The following ELMO1 variants were observed in gnomAD, a reference collection of about 807,000 sequenced individuals.
ELMO1 encodes the protein engulfment and cell motility protein 1.
Under a neutral mutation model 98.9 loss-of-function variants are expected in ELMO1, and 26 were observed. The observed-to-expected ratio is 0.26, with a 90% CI of 0.19 to 0.36. The LOEUF (loss-of-function observed/expected upper bound fraction) is 0.36, where lower values mean the gene tolerates loss of function less well. Ranked by LOEUF, ELMO1 falls within the 10% of genes least tolerant of loss-of-function variation. The pLI, the probability that ELMO1 is intolerant of heterozygous loss-of-function variation, is 1.00. For synonymous variants in ELMO1, 346 were observed against 346.0 expected (o/e 1.00, Z 0.00); for missense variants, 627 against 935.2 (o/e 0.67, Z 4.30).
In ELMO1 at chr7:36,853,905, C is replaced by A. The variant is rs538004627; in HGVS notation, c.*1646G>T. On this transcript the variant is annotated 3_prime_UTR_variant, in exon 22 of 22. Coordinates refer to ENST00000310758, the MANE Select transcript of ELMO1 (RefSeq NM_014800.11). ...TGGGCTCTGACCTATAATTTATTAA[C>A]CCACGGTTAGATTTATTTAGTTCTG... Among the ~76,000 whole-genome samples, 1 of 152,172 alleles carries A rather than the reference C, an allele frequency of 6.6e-6. No individual in the cohort carries two copies. The highest frequency in any genetic ancestry group is 1.5e-5 in the Non-Finnish European group (1 of 68,020).
intron 16 of ELMO1, among the ~76,000 whole-genome samples, chr7:36,935,983 C>T (rs1323432045): frequency 1.3e-5 from 2 of 152,070 alleles, no homozygotes; most frequent in East Asian, 1.9e-4. Flanking sequence ...TAAGATTGCC[C>T]CCTCCTCCTT....
rs1283307184 is a variant in ELMO1, at chr7:37,101,879, A to G, written c.1192-5152T>C. On this transcript the variant is annotated intron_variant, in intron 14 of 21. Coordinates refer to ENST00000310758, the MANE Select transcript of ELMO1 (RefSeq NM_014800.11). Reference sequence around the variant, plus strand: ...CGCAGAAAACAAGTCAATGCATGACATGGTGTTTCTGGCAATAAAGTCCTC... The same window carrying G: ...CGCAGAAAACAAGTCAATGCATGACGTGGTGTTTCTGGCAATAAAGTCCTC... Among the ~76,000 whole-genome samples the G allele has an allele frequency of 2.6e-5, 4 of 152,174 alleles. No homozygotes were observed. In the East Asian group the frequency reaches 5.8e-4, roughly 22 times the overall value.
intron 13 of ELMO1, among the ~76,000 whole-genome samples, chr7:37,194,738 G>C (rs1273428566): frequency 6.6e-6 from 1 of 152,050 alleles, no homozygotes; most frequent in African/African-American, 2.4e-5. Flanking sequence ...TATTCTTTAA[G>C]GTTCATCTTC....
chr7:37,321,734 A>AAAAAAAAAC (rs1323727577), intron 2 of ELMO1, among the ~76,000 whole-genome samples: 2 of 148,568 alleles, frequency 1.3e-5, no homozygotes, highest in Non-Finnish European at 3.0e-5. Context: ...AAAAAAAAAA[A>AAAAAAAAAC]AAAACACAGA....
intron 15 of ELMO1, among the ~76,000 whole-genome samples, chr7:37,071,549 C>T (rs927936012): frequency 2.0e-4 from 30 of 152,150 alleles, no homozygotes; most frequent in African/African-American, 6.5e-4. Flanking sequence ...GAATTCAACT[C>T]CAGAGAGAGC....
chr7:37,205,874 T>C (rs1182218854), intron 13 of ELMO1, among the ~76,000 whole-genome samples: 3 of 152,210 alleles, frequency 2.0e-5, no homozygotes, highest in African/African-American at 7.2e-5. Context: ...GGACTGACTG[T>C]ATATTGCAAA....
At position 37,071,729 on chromosome 7, in the gene ELMO1, T is replaced by C. The variant is rs75243412; in HGVS notation, c.1300+24890A>G. On this transcript the variant is annotated intron_variant, in intron 15 of 21. Transcript: ENST00000310758. ...ACTCATGCTACCATATTTTATTTAC[T>C]AACAATAGCTAAAAATATCATCCCC... 9.0e-3 allele frequency among the ~76,000 whole-genome samples: 1,365 copies of C among 152,328 alleles called. 6 individuals are homozygous for C. Among genetic ancestry groups the C allele is most frequent in the Middle Eastern group, 0.014 (4 of 294 alleles).
chr7:37,180,840 GCAAA>G (rs1790818696), intron 13 of ELMO1, among the ~76,000 whole-genome samples: 2 of 150,916 alleles, frequency 1.3e-5, no homozygotes, highest in African/African-American at 4.9e-5. Flanking sequence ...ACATGCACAC[GCAAA>G]CAGAGAAAGA....
chr7:37,359,621 T>C lies in ELMO1; in HGVS notation c.-73-16858A>G, dbSNP rs115952274. On this transcript the variant is annotated intron_variant, in intron 1 of 21. Transcript: ENST00000310758. Reference sequence around the variant, plus strand: ...TAGATGGAGTCACTGAGGAAACTGGTCACTTATTTGGCTAGTCAGCAATCT... The same window carrying C: ...TAGATGGAGTCACTGAGGAAACTGGCCACTTATTTGGCTAGTCAGCAATCT... 3.2e-3 allele frequency among the ~76,000 whole-genome samples: 486 copies of C among 152,266 alleles called. 4 individuals are homozygous for C. Among genetic ancestry groups the C allele is most frequent in the African/African-American group, 0.011 (464 of 41,550 alleles).
intron 14 of ELMO1, among the ~76,000 whole-genome samples, chr7:37,104,651 C>T (rs192541660): frequency 2.0e-5 from 3 of 152,308 alleles, no homozygotes; most frequent in African/African-American, 7.2e-5. Flanking sequence ...AGGCCTCAGG[C>T]CTTTGGACAG....
At chr7:37,094,835 G>A (rs143407107) in intron 15 of ELMO1, among the ~76,000 whole-genome samples, 7 of 152,174 alleles carry the variant, frequency 4.6e-5, no homozygotes, top group African/African-American at 1.4e-4. Flanking sequence ...AGCACAGTGC[G>A]GTTTGTGAGT....
intron 13 of ELMO1, among the ~76,000 whole-genome samples, chr7:37,210,033 G>A (rs1297136149): frequency 1.3e-5 from 2 of 152,118 alleles, no homozygotes; most frequent in Non-Finnish European, 2.9e-5. Context: ...ACTGGACAGA[G>A]TGTTAGTTTT....
intron 16 of ELMO1, among the ~76,000 whole-genome samples, chr7:36,960,156 T>C (rs755788909): frequency 6.6e-5 from 10 of 152,190 alleles, no homozygotes; most frequent in Non-Finnish European, 1.3e-4. Flanking sequence ...CTAAATCTCA[T>C]TGAGTTATTG....
chr7:37,273,664 G>T (rs115555123), intron 4 of ELMO1, among the ~76,000 whole-genome samples: 1 of 152,106 alleles, frequency 6.6e-6, no homozygotes, highest in Non-Finnish European at 1.5e-5. Flanking sequence ...TTTCCAGGAG[G>T]AGGCCTTCCA....
chr7:37,105,165 A>G (rs1248112145), intron 14 of ELMO1, among the ~76,000 whole-genome samples: 1 of 152,248 alleles, frequency 6.6e-6, no homozygotes, highest in African/African-American at 2.4e-5. Flanking sequence ...CAGAGCAATC[A>G]AAGCCACGTT....
intron 16 of ELMO1, among the ~76,000 whole-genome samples, chr7:36,960,598 A>T (rs190416823): frequency 7.2e-6 from 1 of 139,600 alleles, no homozygotes; most frequent in Admixed American, 7.2e-5. Flanking sequence ...GCAGCCCCCC[A>T]TCCCCCCCAC....
In ELMO1 at chr7:37,013,410, G is replaced by A; in HGVS notation, c.1326C>T (p.His442=). 6.2e-7 allele frequency: 1 copy of A among 1,614,068 alleles called. No homozygotes were observed. The highest frequency in any genetic ancestry group is 8.5e-7 in the Non-Finnish European group (1 of 1,179,978). ...ATCTGTCGTGGGTGAAGAACATCGG[G>A]TGGAAGTCGTTGCAGGTCTCACTAG... ...ELPSETCNDF[H]PMFFTHDRSF... Residue 442 remains histidine, a synonymous_variant, in exon 16 of 22, where the codon CAC becomes CAT. Transcript: ENST00000310758.
chr7:37,279,760 G>T (rs139696649), intron 4 of ELMO1, among the ~76,000 whole-genome samples: 2 of 152,176 alleles, frequency 1.3e-5, no homozygotes, highest in African/African-American at 4.8e-5. Flanking sequence ...TGGAGCAGGG[G>T]GTATAACTCC....
At chr7:37,301,072 T>C (rs1237674075) in intron 4 of ELMO1, among the ~76,000 whole-genome samples, 2 of 152,098 alleles carry the variant, frequency 1.3e-5, no homozygotes. Flanking sequence ...GTTTGTAGTA[T>C]TCTCTGATGG....
Sources: gnomAD v4.1 joint callset for allele counts (sites outside exome capture counted in the v4.1 genomes callset) on GRCh38, gnomAD v4.1.1 for gene constraint, MANE v1.5 for transcripts, NCBI Gene and HGNC (gene_info 2026-07-23, HGNC 2026-07-21) for gene names.